Variants in SAP130 observed in about 807,000 individuals in gnomAD.
SAP130 encodes the protein Sin3A associated protein 130.
In SAP130, 16 loss-of-function variants were observed where a neutral mutation model predicts 103.2. The observed-to-expected ratio is 0.16, with a 90% CI of 0.10 to 0.24. The LOEUF (loss-of-function observed/expected upper bound fraction) is 0.24, where lower values mean the gene tolerates loss of function less well. SAP130 is among the 10% of genes least tolerant of loss of function. SAP130 has a pLI of 1.00. For synonymous variants in SAP130, 477 were observed against 497.0 expected (o/e 0.96, Z 0.53); for missense variants, 990 against 1,359.7 (o/e 0.73, Z 4.28).
chr2:128,015,356 T>C (rs1684698252), intron 4 of SAP130, among the ~76,000 whole-genome samples: 1 of 152,186 alleles, frequency 6.6e-6, no homozygotes, highest in Admixed American at 6.5e-5. Flanking sequence ...CCCTACCAGT[T>C]CTTCAGCTCA....
chr2:127,993,167 C>G lies in SAP130; in HGVS notation c.1477+20G>C, dbSNP rs771325155. The G allele has an allele frequency of 9.3e-6, 15 of 1,613,092 alleles. No individual in the cohort carries two copies. The highest frequency in any genetic ancestry group is 1.3e-5 in the Non-Finnish European group (15 of 1,179,616). ...CAAAAGTTAAACTGTGAAAAGTCAT[C>G]TAAAAAGCAGGGCTCATACCTGGAT... On this transcript the variant is annotated intron_variant, in intron 12 of 20. Coordinates refer to ENST00000643581, the MANE Select transcript of SAP130 (RefSeq NM_001330301.2).
In SAP130 at chr2:128,013,156, T is replaced by TAA; in HGVS notation, c.620-3_620-2insTT. On this transcript the variant is annotated splice_region_variant and splice_polypyrimidine_tract_variant and intron_variant, in intron 5 of 20. Transcript: ENST00000643581. ...ACATCACAGCAGCAGCAGCTGCACC[T>TAA]GAAAAAAAAAAAGTGTTTATTATAT... 1 of 1,576,758 alleles carries TAA rather than the reference T, an allele frequency of 6.3e-7. No individual in the cohort carries two copies. Among genetic ancestry groups the TAA allele is most frequent in the Admixed American group, 2.0e-5 (1 of 50,118 alleles).
rs75485150 is a variant in SAP130, at chr2:127,986,740, T to C, written c.1958+45A>G. The C allele has an allele frequency of 1.3e-3, 2,127 of 1,583,554 alleles. 36 individuals carry two copies. In the African/African-American group the frequency reaches 0.026, roughly 19 times the overall value. On this transcript the variant is annotated intron_variant, in intron 14 of 20. Transcript: ENST00000643581. This position sits in a 1 kb window ranked among gnomAD's most constrained non-coding sequence, Gnocchi z 4.7. Reference sequence around the variant, plus strand: ...GAGTGCCTATTATGTATACCAGTTATATCCAGAACCAGAGGTGTCATTCGG... The same window carrying C: ...GAGTGCCTATTATGTATACCAGTTACATCCAGAACCAGAGGTGTCATTCGG...
At chr2:127,950,129 A>G (rs1377889690) in intron 17 of SAP130, 31 bp downstream of exon 17, 2 of 1,612,996 alleles carry the variant, frequency 1.2e-6, no homozygotes, top group African/African-American at 2.7e-5. Flanking sequence ...ATTGGGAAGC[A>G]TCATAACACA....
chr2:127,976,613 A>C (rs905759349), intron 15 of SAP130, among the ~76,000 whole-genome samples: 2 of 152,234 alleles, frequency 1.3e-5, no homozygotes, highest in African/African-American at 4.8e-5. Flanking sequence ...GATCTCTTTT[A>C]AGAATCTATC....
At chr2:127,976,639 C>T (rs374560425) in intron 15 of SAP130, among the ~76,000 whole-genome samples, 3 of 152,368 alleles carry the variant, frequency 2.0e-5, no homozygotes, top group East Asian at 1.9e-4. Flanking sequence ...GGGCCGGGCA[C>T]GGTGGCTCAC....
At position 127,996,493 on chromosome 2, in the gene SAP130, T is replaced by C; in HGVS notation, c.1214-2A>G. The C allele has an allele frequency of 6.5e-7, 1 of 1,541,448 alleles. No homozygotes were observed. Among genetic ancestry groups the C allele is most frequent in the Non-Finnish European group, 8.8e-7 (1 of 1,139,916 alleles). On this transcript the variant is annotated splice_acceptor_variant, in intron 10 of 20. Transcript: ENST00000643581. LOFTEE classifies it high-confidence loss of function. The surrounding 1 kb of genome is among the most constrained non-coding windows in gnomAD (Gnocchi z 4.3). Reference sequence around the variant, plus strand: ...TGATCTGCTGGGGCACCACCTTGGCTGCAAACAGTAAATGCCAATTCCATG... The same window carrying C: ...TGATCTGCTGGGGCACCACCTTGGCCGCAAACAGTAAATGCCAATTCCATG...
In SAP130 at chr2:127,945,850, G is replaced by C. The variant is rs139375871; in HGVS notation, c.2798-291C>G. ...GTATTTTTTGTAGAGATGAGGTCTTGCTATGTTGCCCAGGTTGGTCTTGAA... is the reference window on the plus strand; with the variant it reads ...GTATTTTTTGTAGAGATGAGGTCTTCCTATGTTGCCCAGGTTGGTCTTGAA... On this transcript the variant is annotated intron_variant, in intron 18 of 20. Coordinates refer to ENST00000643581, the MANE Select transcript of SAP130 (RefSeq NM_001330301.2). 1.6e-4 allele frequency among the ~76,000 whole-genome samples: 25 copies of C among 152,246 alleles called. 1 individual carries two copies. The East Asian group carries it at 4.6e-3, about 28-fold the overall frequency.
chr2:128,011,594 T>C (rs1684401143), intron 6 of SAP130, among the ~76,000 whole-genome samples: 1 of 152,212 alleles, frequency 6.6e-6, no homozygotes, highest in African/African-American at 2.4e-5. Flanking sequence ...ACCCTTCATA[T>C]GTATCACATA....
chr2:127,993,196 G>A lies in SAP130; in HGVS notation c.1468C>T (p.Gln490Ter). The A allele has an allele frequency of 6.2e-7, 1 of 1,614,020 alleles. No homozygotes were observed. Among genetic ancestry groups the A allele is most frequent in the Non-Finnish European group, 8.5e-7 (1 of 1,179,958 alleles). ...PITSSVSTIR[Q>*]YPVSAQAPNS... ...AAAGCAGGGCTCATACCTGGATACT[G>A]TCGGATAGTGGACACGGAACTGGTG... The change falls in exon 12 of 21, where the codon CAG becomes TAG. Residue 490 changes from glutamine (Q) to a stop codon, truncating the protein, a stop_gained. Transcript: ENST00000643581. LOFTEE classifies it high-confidence loss of function.
intron 15 of SAP130, among the ~76,000 whole-genome samples, chr2:127,964,795 G>A (rs540046565): frequency 8.2e-4 from 125 of 151,850 alleles, no homozygotes; most frequent in Admixed American, 3.3e-3. Flanking sequence ...CCAGAAGTTC[G>A]AGACCAGCCT....
chr2:127,977,934 G>T, intron 15 of SAP130, 51 bp downstream of exon 15: 2 of 1,327,818 alleles, frequency 1.5e-6, no homozygotes, highest in Non-Finnish European at 2.1e-6. Context: ...CTCCCCAACT[G>T]CAACGATGTG....
chr2:127,944,291 C>A (rs972676195), intron 19 of SAP130, among the ~76,000 whole-genome samples: 13 of 152,130 alleles, frequency 8.5e-5, no homozygotes, highest in Admixed American at 7.9e-4. Flanking sequence ...TTGCCCCAGC[C>A]TTCCAAAGTA....
In SAP130 at chr2:127,950,256, T is replaced by C. The variant is rs771817265; in HGVS notation, c.2575A>G (p.Met859Val). ...TCATCAGTGCTGTTTGTCTCCATCA[T>C]GTCACCTTCTTCTGTTGAGATCACA... ...QHVISTEEGD[M>V]METNSTDDEK... Residue 859 changes from methionine (M) to valine (V), a missense_variant, in exon 17 of 21, where the codon ATG (methionine) becomes GTG (valine). Met to Val is a conservative substitution (Grantham distance 21). Transcript: ENST00000643581. The C allele has an allele frequency of 5.6e-6, 9 of 1,614,226 alleles. No homozygotes were observed. The highest frequency in any genetic ancestry group is 1.1e-5 in the South Asian group (1 of 91,090).
At chr2:127,968,706 G>C (rs1299282174) in intron 15 of SAP130, among the ~76,000 whole-genome samples, 2 of 152,018 alleles carry the variant, frequency 1.3e-5, no homozygotes, top group Non-Finnish European at 2.9e-5. Flanking sequence ...AGTACAGACA[G>C]GGTTTCACCA....
intron 11 of SAP130, among the ~76,000 whole-genome samples, chr2:127,993,834 T>A (rs1682984036): frequency 6.6e-6 from 1 of 152,212 alleles, no homozygotes; most frequent in Non-Finnish European, 1.5e-5. Context: ...TGGTACACTA[T>A]AACCTTGAAC....
chr2:127,993,973 G>C (rs903731638), intron 11 of SAP130, among the ~76,000 whole-genome samples: 1 of 152,012 alleles, frequency 6.6e-6, no homozygotes, highest in African/African-American at 2.4e-5. Flanking sequence ...TGGAACAGGA[G>C]AATATGACAA....
chr2:128,014,285 C>T (rs922939365), intron 5 of SAP130, among the ~76,000 whole-genome samples: 14 of 152,034 alleles, frequency 9.2e-5, no homozygotes, highest in African/African-American at 2.4e-4. Flanking sequence ...AGTGCAGCGG[C>T]GCAATCTCAA....
intron 16 of SAP130, among the ~76,000 whole-genome samples, chr2:127,952,328 G>A (rs1320391540): frequency 6.6e-6 from 1 of 151,710 alleles, no homozygotes; most frequent in Admixed American, 6.6e-5. Context: ...GCAGGTGCTT[G>A]TAATCCCCGC....
Sources: allele counts gnomAD v4.1 joint callset (sites outside exome capture counted in the v4.1 genomes callset), GRCh38; gene constraint gnomAD v4.1.1; non-coding constraint Gnocchi (gnomAD v3.1); transcripts MANE v1.5; gene names NCBI Gene and HGNC (gene_info 2026-07-23, HGNC 2026-07-21).